The following MAGED1 variants were observed in gnomAD, a reference collection of about 807,000 sequenced individuals.
The protein encoded by MAGED1 is melanoma-associated antigen D1.
A neutral mutation model predicts 54.1 loss-of-function variants in MAGED1; 3 were observed. The observed-to-expected ratio is 0.06, with a 90% CI of 0.03 to 0.14. The LOEUF is 0.14. Ranked by LOEUF, MAGED1 falls within the 10% of genes least tolerant of loss-of-function variation. MAGED1 has a pLI of 1.00. For synonymous variants in MAGED1, 217 were observed against 227.3 expected (o/e 0.95, Z 0.41); for missense variants, 485 against 623.4 (o/e 0.78, Z 2.36).
At chrX:51,869,702 C>T (rs2146993561) in intron 1 of MAGED1, among the ~76,000 whole-genome samples, 2 of 110,713 alleles carry the variant, frequency 1.8e-5, no homozygotes, top group African/African-American at 6.6e-5. Flanking sequence ...AACCCTGTCT[C>T]TACAAAAATA....
intron 1 of MAGED1, among the ~76,000 whole-genome samples, chrX:51,841,732 G>T (rs1333264347): frequency 9.0e-6 from 1 of 111,692 alleles, no homozygotes; most frequent in African/African-American, 3.3e-5. Flanking sequence ...GTTTGTCAAA[G>T]ATCAGATAGT....
chrX:51,821,588 C>T (rs1925636181), intron 1 of MAGED1, among the ~76,000 whole-genome samples: 1 of 110,964 alleles, frequency 9.0e-6, no homozygotes, highest in African/African-American at 3.3e-5. Flanking sequence ...CTGGGTTTCG[C>T]CATGTTGCCC....
At chrX:51,821,710 A>G (rs1181236182) in intron 1 of MAGED1, among the ~76,000 whole-genome samples, 1 of 111,474 alleles carries the variant, frequency 9.0e-6, no homozygotes, top group Non-Finnish European at 1.9e-5. Flanking sequence ...ATTATTAAGT[A>G]TGGTGTTTCT....
chrX:51,897,984 C>A, intron 7 of MAGED1, 98 bp downstream of exon 7: 1 of 885,457 alleles, frequency 1.1e-6, no homozygotes, highest in Non-Finnish European at 1.6e-6. Context: ...GGTCACATAG[C>A]AGGTCATGGG....
At chrX:51,812,443 T>G (rs1315320756) in intron 1 of MAGED1, among the ~76,000 whole-genome samples, 2 of 111,698 alleles carry the variant, frequency 1.8e-5, no homozygotes, top group Non-Finnish European at 3.8e-5. Context: ...TGGCAACCAC[T>G]AATATACTCT....
intron 1 of MAGED1, among the ~76,000 whole-genome samples, chrX:51,865,462 A>G (rs1435990028): frequency 9.0e-6 from 1 of 111,710 alleles, no homozygotes; most frequent in Non-Finnish European, 1.9e-5. Flanking sequence ...TCTTTAGCTC[A>G]GGGAAATTTT....
intron 1 of MAGED1, among the ~76,000 whole-genome samples, chrX:51,848,073 T>A (rs1439585315): frequency 1.1e-4 from 12 of 111,885 alleles, no homozygotes; most frequent in African/African-American, 3.6e-4. Flanking sequence ...TTTAAATTTT[T>A]GTCAGTATTA....
At chrX:51,828,742 G>A (rs1392536420) in intron 1 of MAGED1, among the ~76,000 whole-genome samples, 1 of 111,355 alleles carries the variant, frequency 9.0e-6, no homozygotes, top group Non-Finnish European at 1.9e-5. Flanking sequence ...GCTCACATAT[G>A]TATTTTTAAA....
rs782310921 is a variant in MAGED1, at chrX:51,823,812, C to G, written c.-37+20695C>G. The stretch of plus-strand genomic sequence containing the variant: ...TTTGGTATTTTTTTTTTAGTTCATT[C>G]TTTGGAGATTACCATTAACATCTCA... On this transcript the variant is annotated intron_variant, in intron 1 of 12. Coordinates refer to the MAGED1 transcript ENST00000375772. 7.3e-5 allele frequency among the ~76,000 whole-genome samples: 8 copies of G among 109,726 alleles called. No individual in the cohort carries two copies. In the Admixed American group the frequency reaches 7.7e-4, roughly 11 times the overall value.
At chrX:51,829,544 T>C (rs782131245) in intron 1 of MAGED1, among the ~76,000 whole-genome samples, 1 of 109,915 alleles carries the variant, frequency 9.1e-6, no homozygotes, top group Non-Finnish European at 1.9e-5. Context: ...AAAAAAAAAA[T>C]TAGGGGACTG....
Position 51,900,199 on chromosome X carries a change from G to A in MAGED1, c.1862G>A (p.Arg621Gln), listed in dbSNP as rs1365984416. 4.2e-6 allele frequency: 5 copies of A among 1,204,016 alleles called. No homozygotes were observed. Among genetic ancestry groups the A allele is most frequent in the Admixed American group, 2.2e-5 (1 of 45,375 alleles). Residue 621 changes from arginine to glutamine, a missense_variant, in exon 11 of 13, where the codon CGA (arginine) becomes CAA (glutamine). Physicochemically the swap from Arg to Gln is conservative, Grantham distance 43 (BLOSUM62 1). Transcript: ENST00000326587. Reference sequence around the variant, plus strand: ...TCTTTCAGATACCTGGACTACAGACGAGTGCCCAACAGCAACCCCCCGGAG... The same window carrying A: ...TCTTTCAGATACCTGGACTACAGACAAGTGCCCAACAGCAACCCCCCGGAG... Reference protein sequence around the residue: ...FVKQKYLDYRRVPNSNPPEYE... With the variant: ...FVKQKYLDYRQVPNSNPPEYE...
upstream of MAGED1, among the ~76,000 whole-genome samples, chrX:51,892,883 T>C (rs1928497912): frequency 9.0e-6 from 1 of 110,845 alleles, no homozygotes; most frequent in South Asian, 3.9e-4. Flanking sequence ...ATCTGCAAAA[T>C]AGGGGTGCTG....
At chrX:51,832,154 T>C (rs781885104) in intron 1 of MAGED1, among the ~76,000 whole-genome samples, 1 of 111,167 alleles carries the variant, frequency 9.0e-6, no homozygotes, top group South Asian at 3.8e-4. Flanking sequence ...CTCAGCCTCC[T>C]GAGTAGCTGG....
intron 1 of MAGED1, among the ~76,000 whole-genome samples, chrX:51,858,429 A>G (rs1167033914): frequency 2.7e-5 from 3 of 112,383 alleles, no homozygotes; most frequent in Admixed American, 9.4e-5. Flanking sequence ...GAGACTCTAC[A>G]TTGGGTTCTA....
chrX:51,803,324 A>G (rs1356968504), intron 1 of MAGED1, among the ~76,000 whole-genome samples: 1 of 108,225 alleles, frequency 9.2e-6, no homozygotes, highest in Non-Finnish European at 1.9e-5. Context: ...CTCCTGCCTC[A>G]CCTCCTCACT....
chrX:51,839,910 T>C (rs2146969649), intron 1 of MAGED1, among the ~76,000 whole-genome samples: 1 of 112,383 alleles, frequency 8.9e-6, no homozygotes, highest in South Asian at 3.7e-4. Flanking sequence ...AAGACAATGG[T>C]TCTCAAAATG....
At chrX:51,843,423 AC>A in intron 1 of MAGED1, among the ~76,000 whole-genome samples, 1 of 111,460 alleles carries the variant, frequency 9.0e-6, no homozygotes, top group Admixed American at 9.6e-5. Context: ...AAGATGTAAG[AC>A]TGACAAGTGG....
intron 1 of MAGED1, among the ~76,000 whole-genome samples, chrX:51,804,329 A>G (rs1282220263): frequency 8.9e-6 from 1 of 111,755 alleles, no homozygotes; most frequent in Non-Finnish European, 1.9e-5. Context: ...TTGCCAGACT[A>G]AGGGGTGATT....
chrX:51,818,432 C>T (rs1925510426), intron 1 of MAGED1, among the ~76,000 whole-genome samples: 1 of 111,344 alleles, frequency 9.0e-6, no homozygotes, highest in African/African-American at 3.3e-5. Flanking sequence ...GGTAGCCTCC[C>T]GTCTTTAGTT....
Sources: gnomAD v4.1 joint callset for allele counts (sites outside exome capture counted in the v4.1 genomes callset) on GRCh38, gnomAD v4.1.1 for gene constraint, MANE v1.5 for transcripts, NCBI Gene and HGNC (gene_info 2026-07-23, HGNC 2026-07-21) for gene names.